TTLL11: variants seen among roughly 807,000 people sequenced by gnomAD.
TTLL11 encodes tubulin tyrosine ligase like 11.
Under a neutral mutation model 51.7 loss-of-function variants are expected in TTLL11, and 42 were observed. That is an observed-to-expected ratio of 0.81 (90% CI 0.64 to 1.05). The LOEUF (loss-of-function observed/expected upper bound fraction) is 1.05. Among genes scored for constraint, TTLL11 ranks in the 50% least tolerant of loss-of-function variants. The pLI is 0.00. For missense variants in TTLL11, 799 were observed against 940.4 expected (o/e 0.85, Z 1.97); for synonymous variants, 381 against 383.5 (o/e 0.99, Z 0.08).
chr9:122,033,563 C>T (rs773535304), intron 2 of TTLL11, among the ~76,000 whole-genome samples: 9 of 152,198 alleles, frequency 5.9e-5, no homozygotes, highest in Non-Finnish European at 1.3e-4. Flanking sequence ...TCCATGTCAG[C>T]TTGGCATGCC....
intron 4 of TTLL11, among the ~76,000 whole-genome samples, chr9:121,983,434 G>C (rs1842868366): frequency 6.6e-6 from 1 of 152,204 alleles, no homozygotes; most frequent in Non-Finnish European, 1.5e-5. Flanking sequence ...GCGTAGAGCT[G>C]GTGCTTAAGG....
chr9:121,921,365 A>T (rs1169353039), intron 6 of TTLL11, among the ~76,000 whole-genome samples: 1 of 152,166 alleles, frequency 6.6e-6, no homozygotes, highest in East Asian at 1.9e-4. Flanking sequence ...GGAGCAATTA[A>T]CCCAGTGGAG....
intron 7 of TTLL11, 74 bp from the exon 8 acceptor site, chr9:121,860,517 A>C (rs1837972957): frequency 8.1e-7 from 1 of 1,227,276 alleles, no homozygotes; most frequent in Non-Finnish European, 1.2e-6. Flanking sequence ...CACTCCTGTT[A>C]GGGACTGAAT....
intron 4 of TTLL11, among the ~76,000 whole-genome samples, chr9:121,976,517 T>G (rs73562025): frequency 1.3e-5 from 2 of 151,966 alleles, no homozygotes; most frequent in African/African-American, 4.8e-5. Flanking sequence ...TCTCAAAAAA[T>G]TAATGTGGAG....
intron 3 of TTLL11, among the ~76,000 whole-genome samples, chr9:122,027,838 T>C (rs1270308379): frequency 6.6e-6 from 1 of 152,196 alleles, no homozygotes; most frequent in Non-Finnish European, 1.5e-5. Context: ...ATGCTGGAAA[T>C]AGTAAATACA....
intron 3 of TTLL11, among the ~76,000 whole-genome samples, chr9:122,005,588 C>T (rs1043252178): frequency 2.0e-5 from 3 of 152,210 alleles, no homozygotes; most frequent in Admixed American, 1.3e-4. Context: ...GCCACTTCCC[C>T]AGCCAGGCAG....
intron 1 of TTLL11, among the ~76,000 whole-genome samples, chr9:122,084,844 C>T (rs1846083600): frequency 6.6e-6 from 1 of 152,200 alleles, no homozygotes; most frequent in African/African-American, 2.4e-5. Context: ...TTCCACACAG[C>T]TGGTGGGTAC....
chr9:121,970,215 G>A (rs1842513061), intron 6 of TTLL11, among the ~76,000 whole-genome samples: 3 of 152,182 alleles, frequency 2.0e-5, no homozygotes, highest in Admixed American at 2.0e-4. Context: ...TGCTATTTAT[G>A]ACTTGATAAG....
intron 3 of TTLL11, among the ~76,000 whole-genome samples, chr9:122,006,755 C>T (rs993427042): frequency 2.0e-5 from 3 of 151,968 alleles, no homozygotes; most frequent in Non-Finnish European, 4.4e-5. Flanking sequence ...GAGGCCAAGG[C>T]GGGAAGATTA....
At chr9:121,946,918 C>T (rs777346505) in intron 6 of TTLL11, among the ~76,000 whole-genome samples, 1 of 152,124 alleles carries the variant, frequency 6.6e-6, no homozygotes, top group Non-Finnish European at 1.5e-5. Flanking sequence ...CATTAGATCA[C>T]CTGCTTGGCC....
intron 6 of TTLL11, among the ~76,000 whole-genome samples, chr9:121,910,763 C>G (rs1463300964): frequency 2.0e-5 from 3 of 152,134 alleles, no homozygotes; most frequent in Non-Finnish European, 4.4e-5. Flanking sequence ...GTTAAGATAA[C>G]ATAGGAAAGA....
intron 8 of TTLL11, among the ~76,000 whole-genome samples, chr9:121,838,780 G>GC (rs747790047): frequency 2.3e-3 from 313 of 134,094 alleles, no homozygotes; most frequent in East Asian, 7.8e-3. Context: ...AAGCAAGCAA[G>GC]AAAGCAAGCA....
chr9:121,912,489 C>T (rs1417907004), intron 6 of TTLL11, among the ~76,000 whole-genome samples: 1 of 147,948 alleles, frequency 6.8e-6, no homozygotes, highest in Non-Finnish European at 1.5e-5. Flanking sequence ...GAATGCCCCT[C>T]TCTGCCCCAC....
At chr9:121,852,989 T>C (rs1837710655) in intron 8 of TTLL11, among the ~76,000 whole-genome samples, 1 of 152,244 alleles carries the variant, frequency 6.6e-6, no homozygotes, top group Non-Finnish European at 1.5e-5. Flanking sequence ...TAAAGGAGAC[T>C]GCGCTCAACA....
chr9:121,828,838 C>A (rs1470355743), intron 8 of TTLL11, among the ~76,000 whole-genome samples: 1 of 152,046 alleles, frequency 6.6e-6, no homozygotes, highest in African/African-American at 2.4e-5. Context: ...GATGGCTTAA[C>A]CCTGTAATCC....
intron 3 of TTLL11, among the ~76,000 whole-genome samples, chr9:122,011,482 C>A (rs1031532527): frequency 6.6e-6 from 1 of 151,974 alleles, no homozygotes; most frequent in African/African-American, 2.4e-5. Flanking sequence ...TTTTAAATAA[C>A]CCTAGTCAAT....
At chr9:122,044,968 C>T (rs2131836034) in intron 1 of TTLL11, among the ~76,000 whole-genome samples, 1 of 152,098 alleles carries the variant, frequency 6.6e-6, no homozygotes, top group Non-Finnish European at 1.5e-5. Context: ...ATTAGCTGGG[C>T]ATCGTGGCAT....
At chr9:121,936,989 A>T (rs989364050) in intron 6 of TTLL11, among the ~76,000 whole-genome samples, 1 of 152,226 alleles carries the variant, frequency 6.6e-6, no homozygotes, top group Non-Finnish European at 1.5e-5. Context: ...TAATGACACC[A>T]CAAAATGCAG....
chr9:121,881,702 G>A (rs1029845187), intron 6 of TTLL11, among the ~76,000 whole-genome samples: 46 of 152,176 alleles, frequency 3.0e-4, no homozygotes, highest in African/African-American at 1.1e-3. Flanking sequence ...GCACTGATGC[G>A]AATGAGGCCT....
Sources: allele counts gnomAD v4.1 joint callset (sites outside exome capture counted in the v4.1 genomes callset), GRCh38; gene constraint gnomAD v4.1.1; transcripts MANE v1.5; gene names NCBI Gene and HGNC (gene_info 2026-07-23, HGNC 2026-07-21).